Variants in KIAA1614 observed in about 807,000 individuals in gnomAD.
KIAA1614 encodes uncharacterized protein KIAA1614.
In KIAA1614, 76 loss-of-function variants were observed where a neutral mutation model predicts 88.7. The ratio of observed to expected loss-of-function variants is 0.86; its 90% CI spans 0.71 to 1.04. The LOEUF is 1.04. Ranked by LOEUF, KIAA1614 falls within the 50% of genes least tolerant of loss-of-function variation. The pLI is 0.00. For missense variants in KIAA1614, 1,553 were observed against 1,582.5 expected (o/e 0.98, Z 0.32); for synonymous variants, 714 against 675.5 (o/e 1.06, Z -0.88).
In KIAA1614 at chr1:180,935,990, GAC is replaced by G; in HGVS notation, c.2086_2087del (p.Thr696AlafsTer2). The G allele has an allele frequency of 1.9e-6, 3 of 1,614,086 alleles. No homozygotes were observed. The highest frequency in any genetic ancestry group is 2.5e-6 in the Non-Finnish European group (3 of 1,179,914). On this transcript the variant is annotated frameshift_variant, in exon 5 of 9. Coordinates refer to ENST00000367588, the MANE Select transcript of KIAA1614 (RefSeq NM_020950.2). LOFTEE classifies it high-confidence loss of function. This position sits in a 1 kb window ranked among gnomAD's most constrained non-coding sequence, Gnocchi z 6.1. ...GAAAATGAGGTGAAAGAGGGCAGAG[GAC>G]ACACGCCTGAAGGAACTCTATTTTT...
intron 1 of KIAA1614, 29 bp downstream of exon 1, chr1:180,913,322 G>A (rs968864600): frequency 3.2e-6 from 4 of 1,235,822 alleles, no homozygotes; most frequent in South Asian, 4.0e-5. Context: ...GCGCCGGGCC[G>A]GCCGGGCGGG....
rs771572430 is a variant in KIAA1614 at position 180,916,246 on chromosome 1, AC to A, written c.149del (p.Pro50GlnfsTer15). The A allele has an allele frequency of 6.8e-6, 11 of 1,613,062 alleles. No homozygotes were observed. Among genetic ancestry groups the A allele is most frequent in the Non-Finnish European group, 9.3e-6 (11 of 1,179,840 alleles). Reference sequence around the variant, plus strand: ...CCTGAGCCACAGCTGGATAACGGACACCCCCCAAGACCCTGGCCTTGCCCTC... The same window carrying A: ...CCTGAGCCACAGCTGGATAACGGACACCCCCAAGACCCTGGCCTTGCCCTC... ...SGPEPQLDNGHPPRPWPCPQE... is the reference protein window; with the variant it reads ...SGPEPQLDNGXPPRPWPCPQE... On this transcript the variant is annotated frameshift_variant, in exon 2 of 9. Transcript: ENST00000367588. LOFTEE classifies it high-confidence loss of function.
At chr1:180,920,059 AGTACC>A (rs905698901) in intron 3 of KIAA1614, among the ~76,000 whole-genome samples, 45 of 152,278 alleles carry the variant, frequency 3.0e-4, no homozygotes, top group Admixed American at 2.4e-3. Context: ...AGTCATTCCA[AGTACC>A]CTGCTGGCCT....
chr1:180,913,053 G>A lies in KIAA1614; in HGVS notation c.-191G>A, dbSNP rs1653688335. 2 of 332,348 alleles carry A rather than the reference G, an allele frequency of 6.0e-6. No individual in the cohort carries two copies. The highest frequency in any genetic ancestry group is 2.2e-5 in the African/African-American group (1 of 46,014). 20.6% of individuals were successfully genotyped at this position (332,348 alleles called of 1,614,324 possible). ...GGCCAGACCCACCCGGGGCCCGGGGGCTGCCAGCAGAGCCGGGAGCTGGCC... is the reference window on the plus strand; with the variant it reads ...GGCCAGACCCACCCGGGGCCCGGGGACTGCCAGCAGAGCCGGGAGCTGGCC... On this transcript the variant is annotated 5_prime_UTR_variant, in exon 1 of 9. Coordinates refer to ENST00000367588, the MANE Select transcript of KIAA1614 (RefSeq NM_020950.2).
intron 1 of KIAA1614, 65 bp downstream of exon 1, chr1:180,913,358 G>A (rs1653703508): frequency 2.7e-6 from 3 of 1,117,318 alleles, no homozygotes; most frequent in East Asian, 3.3e-5. Context: ...GGGCGGAGGA[G>A]CGGGGAGCCC....
intron 6 of KIAA1614, 39 bp from the exon 7 acceptor site, chr1:180,941,006 G>GGCCCCC: frequency 1.1e-6 from 1 of 908,444 alleles, no homozygotes; most frequent in Non-Finnish European, 1.5e-6. Flanking sequence ...CACCCTCCCG[G>GGCCCCC]CCCTCCCCCG....
chr1:180,951,609 CTCTCACTCT>C (rs1365699282), exon 9 of KIAA1614: 4 of 152,358 alleles, frequency 2.6e-5, no homozygotes, highest in Non-Finnish European at 5.9e-5. Context: ...GCTAAAGCTT[CTCTCACTCT>C]GAGTTGCTAA....
At position 180,941,056 on chromosome 1, in the gene KIAA1614, G is replaced by A. The variant is rs768291714; in HGVS notation, c.2930G>A (p.Gly977Glu). 7.1e-7 allele frequency: 1 copy of A among 1,399,900 alleles called. No individual in the cohort carries two copies. The highest frequency in any genetic ancestry group is 1.1e-5 in the South Asian group (1 of 88,134). The allele number at this position is 1,399,900 out of a possible 1,614,324, so 86.7% of individuals were successfully genotyped here. A position where few individuals can be genotyped will look rare whatever the true frequency, so the allele number is the denominator to read the frequency against. ...GGHVLSRASA[G>E]AGTGPGSPSA... ...CCCTTGTGTTTCAGAGCATCAGCAG[G>A]AGCTGGCACAGGACCCGGCTCCCCC... Residue 977 changes from glycine (G) to glutamate (E), a missense_variant, in exon 7 of 9, where the codon GGA becomes GAA. By Grantham distance (98) the Gly-to-Glu change is moderately conservative. Transcript: ENST00000367588.
At chr1:180,942,042 T>C (rs1654479365) in intron 7 of KIAA1614, among the ~76,000 whole-genome samples, 1 of 151,368 alleles carries the variant, frequency 6.6e-6, no homozygotes, top group Non-Finnish European at 1.5e-5. Context: ...CAGGCCGAAC[T>C]GGGGCTCCAC....
chr1:180,913,102 C>T lies in KIAA1614; in HGVS notation c.-142C>T. On this transcript the variant is annotated 5_prime_UTR_variant, in exon 1 of 9. Coordinates refer to ENST00000367588, the MANE Select transcript of KIAA1614 (RefSeq NM_020950.2). ...CCCGGCCTCGGCGCCGTCCCGGACC[C>T]CCAGTCGGCCGCGCCCCGAGGGGCG... 1.9e-6 allele frequency: 1 copy of T among 518,754 alleles called. No homozygotes were observed. The highest frequency in any genetic ancestry group is 2.9e-6 in the Non-Finnish European group (1 of 342,664). The allele number at this position is 518,754 out of a possible 1,614,324, so 32.1% of individuals were successfully genotyped here. A position where few individuals can be genotyped will look rare whatever the true frequency, so the allele number is the denominator to read the frequency against.
intron 7 of KIAA1614, among the ~76,000 whole-genome samples, chr1:180,943,708 C>T (rs906262300): frequency 6.6e-6 from 1 of 151,664 alleles, no homozygotes. Flanking sequence ...CCACCATGCC[C>T]GGCTAATTTT....
intron 8 of KIAA1614, chr1:180,944,941 C>A: frequency 3.5e-6 from 1 of 284,702 alleles, no homozygotes; most frequent in South Asian, 7.4e-5. Flanking sequence ...TGTAGGCTGG[C>A]TGCTCTTTCC....
In KIAA1614 at chr1:180,936,475, G is replaced by C; in HGVS notation, c.2566G>C (p.Glu856Gln). Residue 856 changes from glutamate (E) to glutamine (Q), a missense_variant, in exon 5 of 9, where the codon GAG (glutamate) becomes CAG (glutamine). Physicochemically the swap from Glu to Gln is conservative, Grantham distance 29. Transcript: ENST00000367588. ...AAGAAGCGCGGTTCTCAGGACCTGT[G>C]AGCTGCCCCCATCACAGACCCAGCC... ...PSRSAVLRTC[E>Q]LPPSQTQPSR... 2.5e-6 allele frequency: 4 copies of C among 1,613,934 alleles called. No homozygotes were observed. The highest frequency in any genetic ancestry group is 3.4e-6 in the Non-Finnish European group (4 of 1,179,926).
chr1:180,918,722 G>A (rs1404591682), intron 3 of KIAA1614, among the ~76,000 whole-genome samples: 2 of 152,160 alleles, frequency 1.3e-5, no homozygotes, highest in Non-Finnish European at 2.9e-5. Context: ...AGGTCGACAC[G>A]GTTGCTGCTC....
chr1:180,946,819 C>T lies in KIAA1614; in HGVS notation c.*1231C>T, dbSNP rs1654606453. ...ATTGTTTCAGCAAATATATACTAAG[C>T]ACCTACTATGTGTTATAGATACGGG... On this transcript the variant is annotated 3_prime_UTR_variant, in exon 9 of 9. Transcript: ENST00000367588. The T allele has an allele frequency of 6.6e-6, 1 of 152,250 alleles. No individual in the cohort carries two copies. Among genetic ancestry groups the T allele is most frequent in the African/African-American group, 2.4e-5 (1 of 41,468 alleles). The allele number at this position is 152,250 out of a possible 1,614,324, so 9.4% of individuals were successfully genotyped here.
Position 180,943,027 on chromosome 1 carries a change from G to GTTTTTTTTTTTTTTTTTTTTT in KIAA1614, c.3160-1362_3160-1361insTTTTTTTTTTTTTTTTTTTTT, listed in dbSNP as rs1261396134. On this transcript the variant is annotated intron_variant, in intron 7 of 8. Coordinates refer to ENST00000367588, the MANE Select transcript of KIAA1614 (RefSeq NM_020950.2). ...GTTTGCTGGGAGGCTTAGTTTTTTGGGTTTTTTTTTTTTTTTTAAGATGGA... is the reference window on the plus strand; with the variant it reads ...GTTTGCTGGGAGGCTTAGTTTTTTGGTTTTTTTTTTTTTTTTTTTTTGTTTTTTTTTTTTTTTTAAGATGGA... Among the ~76,000 whole-genome samples the GTTTTTTTTTTTTTTTTTTTTT allele has an allele frequency of 8.5e-4, 19 of 22,352 alleles. 1 individual carries two copies. Among genetic ancestry groups the GTTTTTTTTTTTTTTTTTTTTT allele is most frequent in the African/African-American group, 1.8e-3 (19 of 10,554 alleles). 14.7% of individuals were successfully genotyped at this position (22,352 alleles called of 152,430 possible).
chr1:180,944,399 C>G lies in KIAA1614; in HGVS notation c.3170C>G (p.Ser1057Cys). Reference sequence around the variant, plus strand: ...TCCCTTTCTCATCAGGTGTCACCCTCTCACCAGCGTCGGAAAGCTGCCTCT... The same window carrying G: ...TCCCTTTCTCATCAGGTGTCACCCTGTCACCAGCGTCGGAAAGCTGCCTCT... ...SLQSLHPVSPSHQRRKAASFQ... is the reference protein window; with the variant it reads ...SLQSLHPVSPCHQRRKAASFQ... The change falls in exon 8 of 9, where the codon TCT (serine) becomes TGT (cysteine). Residue 1057 changes from serine to cysteine, a missense_variant. Ser to Cys is a moderately radical substitution (Grantham distance 112). Transcript: ENST00000367588. 6.2e-7 allele frequency: 1 copy of G among 1,613,708 alleles called. No individual in the cohort carries two copies. Among genetic ancestry groups the G allele is most frequent in the Non-Finnish European group, 8.5e-7 (1 of 1,179,726 alleles).
chr1:180,916,918 T>C lies in KIAA1614; in HGVS notation c.815T>C (p.Leu272Pro), dbSNP rs1255119682. The C allele has an allele frequency of 6.2e-7, 1 of 1,614,098 alleles. No homozygotes were observed. The highest frequency in any genetic ancestry group is 1.7e-5 in the Admixed American group (1 of 60,002). ...EEVFVPRTALLGERWRAGDLE... is the reference protein window; with the variant it reads ...EEVFVPRTALPGERWRAGDLE... ...GTCTTTGTCCCCAGGACGGCCCTGC[T>C]GGGTGAGCGCTGGAGAGCTGGAGAC... Residue 272 changes from leucine (L) to proline (P), a missense_variant, in exon 2 of 9, where the codon CTG becomes CCG. Physicochemically the swap from Leu to Pro is moderately conservative, Grantham distance 98 (BLOSUM62 -3). Coordinates refer to ENST00000367588, the MANE Select transcript of KIAA1614 (RefSeq NM_020950.2).
At chr1:180,928,279 GTTCCCT>G (rs2102264209) in intron 3 of KIAA1614, 145 bp from the exon 4 acceptor site, 2 of 963,508 alleles carry the variant, frequency 2.1e-6, no homozygotes, top group East Asian at 5.8e-5. Flanking sequence ...CCCAGGCTGG[GTTCCCT>G]GTGCGTGGGT....
Sources: gnomAD v4.1 joint callset for allele counts (sites outside exome capture counted in the v4.1 genomes callset) on GRCh38, gnomAD v4.1.1 for gene constraint, Gnocchi (gnomAD v3.1) non-coding constraint, MANE v1.5 for transcripts, NCBI Gene and HGNC (gene_info 2026-07-23, HGNC 2026-07-21) for gene names.